The following DSCAML1 variants were observed in gnomAD, a reference collection of about 807,000 sequenced individuals.
DSCAML1 encodes cell adhesion molecule DSCAML1.
In DSCAML1, 38 loss-of-function variants were observed where a neutral mutation model predicts 200.5. The ratio of observed to expected loss-of-function variants is 0.19; its 90% CI spans 0.15 to 0.25. DSCAML1 has a LOEUF of 0.25. Ranked by LOEUF, DSCAML1 falls within the 10% of genes least tolerant of loss-of-function variation. The probability of loss-of-function intolerance (pLI) is 1.00; values close to 1 mark genes in which losing one functional copy is unlikely to be tolerated. For missense variants in DSCAML1, 2,223 were observed against 2,858.8 expected, an observed-to-expected ratio of 0.78 and a Z score of 5.07; for synonymous variants, 1,215 against 1,165.0, an observed-to-expected ratio of 1.04 and a Z score of -0.87.
chr11:117,556,918 C>T (rs2050568730), intron 3 of DSCAML1, among the ~76,000 whole-genome samples: 1 of 152,286 alleles, frequency 6.6e-6, no homozygotes, highest in South Asian at 2.1e-4. Flanking sequence ...TTAAATTGGT[C>T]TGGTGGGGTG....
intron 11 of DSCAML1, among the ~76,000 whole-genome samples, chr11:117,494,856 G>C (rs1053420640): frequency 3.3e-5 from 5 of 152,200 alleles, no homozygotes; most frequent in African/African-American, 1.2e-4. Flanking sequence ...TGTGTCTACA[G>C]TGCGAGCAAC....
intron 26 of DSCAML1, 79 bp from the exon 27 acceptor site, chr11:117,435,878 CCTCTGACCTCTCTTGCTGCCCTTGGG>C (rs1315064426): frequency 2.7e-6 from 4 of 1,468,916 alleles, no homozygotes; most frequent in Non-Finnish European, 3.7e-6. Context: ...GTGGGGCAGT[CCTCTGACCTCTCTTGCTGCCCTTGGG>C]CTCTGACCTC....
chr11:117,769,525 ATATT>A (rs1284001189), intron 3 of DSCAML1, among the ~76,000 whole-genome samples: 8 of 75,002 alleles, frequency 1.1e-4, no homozygotes, highest in African/African-American at 6.2e-4. Flanking sequence ...TATATTATAT[ATATT>A]TTATATATAT....
At chr11:117,737,223 A>G (rs575585918) in intron 3 of DSCAML1, among the ~76,000 whole-genome samples, 1 of 152,324 alleles carries the variant, frequency 6.6e-6, no homozygotes. Context: ...AGAAAAGATA[A>G]TTTTCACTTC....
chr11:117,788,722 T>A (rs944123552), intron 1 of DSCAML1, among the ~76,000 whole-genome samples: 1 of 152,238 alleles, frequency 6.6e-6, no homozygotes, highest in African/African-American at 2.4e-5. Context: ...AGCCCTTGGA[T>A]GTAGCTACTA....
intron 20 of DSCAML1, 126 bp downstream of exon 20, chr11:117,450,423 A>G: frequency 7.3e-7 from 1 of 1,360,948 alleles, no homozygotes; most frequent in South Asian, 1.4e-5. Flanking sequence ...CCCCATTCTT[A>G]TCTATGAATC....
At chr11:117,493,405 C>T (rs1940038) in intron 11 of DSCAML1, among the ~76,000 whole-genome samples, 62,280 of 150,228 alleles carry the variant, frequency 0.41, 13,400 homozygotes, top group South Asian at 0.54. Flanking sequence ...CAACCTCCCC[C>T]TCCCGGGTTC....
intron 3 of DSCAML1, among the ~76,000 whole-genome samples, chr11:117,562,072 A>C (rs977162968): frequency 6.6e-6 from 1 of 152,178 alleles, no homozygotes; most frequent in African/African-American, 2.4e-5. Flanking sequence ...GACAGTGTTG[A>C]GAGGGAATAG....
chr11:117,726,268 T>C (rs4989509), intron 3 of DSCAML1, among the ~76,000 whole-genome samples: 109,258 of 141,258 alleles, frequency 0.77, 43,895 homozygotes, highest in Non-Finnish European at 0.9. Flanking sequence ...TGTGTGTGCG[T>C]GTGTGTGTGT....
intron 20 of DSCAML1, among the ~76,000 whole-genome samples, chr11:117,444,473 G>A (rs2048135600): frequency 6.6e-6 from 1 of 152,134 alleles, no homozygotes; most frequent in Non-Finnish European, 1.5e-5. Flanking sequence ...CCTGCAGCCT[G>A]CTCTGGCTCC....
At chr11:117,586,244 T>C (rs188237526) in intron 3 of DSCAML1, among the ~76,000 whole-genome samples, 23 of 142,980 alleles carry the variant, frequency 1.6e-4, no homozygotes, top group Middle Eastern at 3.5e-3. Context: ...GCTTTCCATC[T>C]TAACCCCCTC....
intron 3 of DSCAML1, among the ~76,000 whole-genome samples, chr11:117,708,120 C>A (rs2053785414): frequency 6.6e-6 from 1 of 152,184 alleles, no homozygotes; most frequent in African/African-American, 2.4e-5. Flanking sequence ...CCTGTACCCC[C>A]CACACACCAT....
chr11:117,518,822 G>A lies in DSCAML1; in HGVS notation c.1214-60C>T. 2.0e-6 allele frequency: 3 copies of A among 1,536,008 alleles called. No homozygotes were observed. The South Asian group carries it at 3.7e-5, about 19-fold the overall frequency. On this transcript the variant is annotated intron_variant, in intron 6 of 32. Transcript: ENST00000651296. This position sits in a 1 kb window ranked among gnomAD's most constrained non-coding sequence, Gnocchi z 6.3. ...AAGCCATGGAGAGACGGTCCCCCCA[G>A]CCACCCCACCTCAGCAGGGGAGGAG...
At chr11:117,800,750 G>A (rs911222252), upstream of DSCAML1, 4 of 152,114 alleles carry the variant, frequency 2.6e-5, no homozygotes, top group African/African-American at 4.8e-5. Context: ...GCTATATGAA[G>A]TCACTGGGAG....
At chr11:117,727,452 TTCAC>T (rs1301645119) in intron 3 of DSCAML1, among the ~76,000 whole-genome samples, 7 of 152,234 alleles carry the variant, frequency 4.6e-5, no homozygotes, top group Non-Finnish European at 8.8e-5. Context: ...AAAGGATGGA[TTCAC>T]TCACTCACCC....
At chr11:117,470,858 T>C (rs79865588) in intron 15 of DSCAML1, among the ~76,000 whole-genome samples, 2,120 of 150,776 alleles carry the variant, frequency 0.014, 33 homozygotes, top group Middle Eastern at 0.076. Context: ...AAAAGTAATA[T>C]TGATTAAAAC....
intron 3 of DSCAML1, among the ~76,000 whole-genome samples, chr11:117,688,920 A>T (rs1288519438): frequency 6.6e-6 from 1 of 152,214 alleles, no homozygotes; most frequent in African/African-American, 2.4e-5. Context: ...ATGGAAAGTG[A>T]GTAACCCTTT....
chr11:117,634,969 G>A (rs998410077), intron 3 of DSCAML1, among the ~76,000 whole-genome samples: 1 of 152,190 alleles, frequency 6.6e-6, no homozygotes, highest in East Asian at 1.9e-4. Flanking sequence ...CACAGGGCAC[G>A]AGTGTGGCCA....
intron 3 of DSCAML1, among the ~76,000 whole-genome samples, chr11:117,661,174 C>T (rs539927203): frequency 6.6e-5 from 10 of 152,210 alleles, no homozygotes; most frequent in Non-Finnish European, 1.0e-4. Flanking sequence ...CAGCCTTCTC[C>T]GGGTTGATGA....
Sources: allele counts gnomAD v4.1 joint callset (sites outside exome capture counted in the v4.1 genomes callset), GRCh38; gene constraint gnomAD v4.1.1; non-coding constraint Gnocchi (gnomAD v3.1); transcripts MANE v1.5; gene names NCBI Gene and HGNC (gene_info 2026-07-23, HGNC 2026-07-21).